The following LPP variants were observed in gnomAD, a reference collection of about 807,000 sequenced individuals.
LPP encodes LIM domain containing preferred translocation partner in lipoma, also known as lipoma-preferred partner.
Under a neutral mutation model 60.4 loss-of-function variants are expected in LPP, and 38 were observed. The ratio of observed to expected loss-of-function variants is 0.63; its 90% CI spans 0.49 to 0.83. The LOEUF is 0.83. LPP is among the 40% of genes least tolerant of loss of function. The pLI, the probability that LPP is intolerant of heterozygous loss-of-function variation, is 0.00. For missense variants in LPP, 902 were observed against 783.6 expected, an observed-to-expected ratio of 1.15 and a Z score of -1.80; for synonymous variants, 328 against 290.8, an observed-to-expected ratio of 1.13 and a Z score of -1.30.
intron 6 of LPP, 140 bp downstream of exon 6, chr3:188,524,927 CCTTCCTT>C: frequency 1.5e-6 from 1 of 654,576 alleles, no homozygotes; most frequent in South Asian, 2.5e-5. Flanking sequence ...TTCCTTCCTT[CCTTCCTT>C]CCTTCCTTCC....
At chr3:188,279,357 C>G (rs1741127110) in intron 2 of LPP, among the ~76,000 whole-genome samples, 1 of 152,168 alleles carries the variant, frequency 6.6e-6, no homozygotes, top group Non-Finnish European at 1.5e-5. Flanking sequence ...CCTTTAGACC[C>G]CCCATTGTAT....
intron 8 of LPP, among the ~76,000 whole-genome samples, chr3:188,742,764 A>T (rs1189627360): frequency 6.6e-6 from 1 of 152,162 alleles, no homozygotes; most frequent in African/African-American, 2.4e-5. Context: ...TTATAAATGT[A>T]TTGAAATTCA....
At chr3:188,317,483 C>T (rs1755429240) in intron 2 of LPP, among the ~76,000 whole-genome samples, 1 of 152,158 alleles carries the variant, frequency 6.6e-6, no homozygotes, top group African/African-American at 2.4e-5. Context: ...GTGTCTCCTT[C>T]TGTTAAATGG....
chr3:188,875,022 G>A lies in LPP; in HGVS notation c.*543G>A. ...GAAATGCACAATTTTTTTTTGTTAG[G>A]CTGTAAAGAATTTAAGCTGTAAATT... On this transcript the variant is annotated 3_prime_UTR_variant, in exon 12 of 12. Transcript: ENST00000617246. 1 of 222,656 alleles carries A rather than the reference G, an allele frequency of 4.5e-6. No homozygotes were observed. The highest frequency in any genetic ancestry group is 9.0e-6 in the Non-Finnish European group (1 of 111,492). The allele number at this position is 222,656 out of a possible 1,614,324, so 13.8% of individuals were successfully genotyped here. A position where few individuals can be genotyped will look rare whatever the true frequency, so the allele number is the denominator to read the frequency against.
intron 2 of LPP, among the ~76,000 whole-genome samples, chr3:188,327,855 A>G (rs1758872133): frequency 6.6e-6 from 1 of 152,184 alleles, no homozygotes; most frequent in South Asian, 2.1e-4. Context: ...GTTCTTAAAA[A>G]TGAGCTTTTG....
intron 10 of LPP, among the ~76,000 whole-genome samples, chr3:188,870,955 A>G (rs942565404): frequency 1.3e-5 from 2 of 152,132 alleles, no homozygotes; most frequent in Non-Finnish European, 2.9e-5. Flanking sequence ...TGGCAGATTC[A>G]TTTCATTAGA....
intron 3 of LPP, among the ~76,000 whole-genome samples, chr3:188,403,637 G>C (rs2148835015): frequency 6.6e-6 from 1 of 152,064 alleles, no homozygotes; most frequent in South Asian, 2.1e-4. Context: ...AACCAAAATT[G>C]GCATTTCTCA....
chr3:188,865,383 ACT>A (rs1427553532), intron 9 of LPP, among the ~76,000 whole-genome samples: 8 of 152,230 alleles, frequency 5.3e-5, no homozygotes, highest in Non-Finnish European at 1.2e-4. Flanking sequence ...GAGTTTGCAA[ACT>A]CTAAACTTGG....
intron 5 of LPP, among the ~76,000 whole-genome samples, chr3:188,520,505 G>A (rs575577954): frequency 2.0e-5 from 3 of 152,158 alleles, no homozygotes; most frequent in African/African-American, 4.8e-5. Context: ...TCTCCCACAC[G>A]GTCCTGCCCA....
At chr3:188,852,248 T>C (rs181438800) in intron 9 of LPP, among the ~76,000 whole-genome samples, 1 of 152,258 alleles carries the variant, frequency 6.6e-6, no homozygotes, top group Admixed American at 6.5e-5. Flanking sequence ...GTTTCTGGTG[T>C]GAGGTCTCTC....
rs1578450277 is a variant in LPP at position 188,377,844 on chromosome 3, C to G, written c.-9-28268C>G. Among the ~76,000 whole-genome samples the G allele has an allele frequency of 2.0e-5, 3 of 151,872 alleles. No individual in the cohort carries two copies. In the South Asian group the frequency reaches 6.2e-4, roughly 32 times the overall value. The stretch of plus-strand genomic sequence containing the variant: ...TTTCCCATCTTTGTGGTTTTATGTA[C>G]CTTTGGTCTTTGATGATGGTGACAT... On this transcript the variant is annotated intron_variant, in intron 3 of 11. Transcript: ENST00000617246.
rs868088395 is a variant in LPP, at chr3:188,203,404, T to A, written c.-189-22001T>A. On this transcript the variant is annotated intron_variant, in intron 1 of 11. Transcript: ENST00000617246. ...AATATTTATATATTAATATATATTT[T>A]TATAAATATATATATAATATAAATA... 4.8e-3 allele frequency among the ~76,000 whole-genome samples: 281 copies of A among 59,092 alleles called. 3 individuals carry two copies. Among genetic ancestry groups the A allele is most frequent in the Middle Eastern group, 0.019 (1 of 52 alleles). 38.8% of individuals were successfully genotyped at this position (59,092 alleles called of 152,430 possible). A position where few individuals can be genotyped will look rare whatever the true frequency, so the allele number is the denominator to read the frequency against.
intron 5 of LPP, among the ~76,000 whole-genome samples, chr3:188,490,464 G>A (rs746250411): frequency 3.3e-5 from 5 of 150,768 alleles, no homozygotes; most frequent in Admixed American, 1.3e-4. Flanking sequence ...GGGTTCAAGC[G>A]ATTCTCCTGT....
intron 7 of LPP, among the ~76,000 whole-genome samples, chr3:188,632,033 C>T (rs747388697): frequency 2.0e-5 from 3 of 152,048 alleles, no homozygotes; most frequent in Non-Finnish European, 4.4e-5. Flanking sequence ...ACATGAGGGC[C>T]CCTGAAGCTT....
At chr3:188,528,842 T>C (rs562084448) in intron 6 of LPP, among the ~76,000 whole-genome samples, 17 of 152,276 alleles carry the variant, frequency 1.1e-4, no homozygotes, top group African/African-American at 3.6e-4. Context: ...TTGTAATGAT[T>C]TTACCATCGA....
At position 188,879,375 on chromosome 3, in the gene LPP, T is replaced by C. The variant is rs889922601; in HGVS notation, c.*4896T>C. 4.6e-6 allele frequency: 1 copy of C among 218,228 alleles called. No homozygotes were observed. The allele number at this position is 218,228 out of a possible 1,614,324, so 13.5% of individuals were successfully genotyped here. A position where few individuals can be genotyped will look rare whatever the true frequency, so the allele number is the denominator to read the frequency against. On this transcript the variant is annotated 3_prime_UTR_variant, in exon 12 of 12. Coordinates refer to ENST00000617246, the MANE Select transcript of LPP (RefSeq NM_001375462.1). ...AAATTAAATCAATGCATTATGATTT[T>C]AGGGAATTATGATTATATTCATAAG...
chr3:188,649,341 G>A (rs1019896704), intron 7 of LPP, among the ~76,000 whole-genome samples: 4 of 152,214 alleles, frequency 2.6e-5, no homozygotes, highest in Non-Finnish European at 5.9e-5. Context: ...CTTGGACAAA[G>A]GGGTTAGGAT....
At chr3:188,423,860 G>C (rs1788549103) in intron 4 of LPP, among the ~76,000 whole-genome samples, 1 of 150,996 alleles carries the variant, frequency 6.6e-6, no homozygotes, top group South Asian at 2.1e-4. Context: ...TTAGCCCTTT[G>C]TCAGATGGAT....
At chr3:188,503,490 T>A (rs576861802) in intron 5 of LPP, among the ~76,000 whole-genome samples, 1 of 152,180 alleles carries the variant, frequency 6.6e-6, no homozygotes, top group Non-Finnish European at 1.5e-5. Flanking sequence ...TTAGCTCTTA[T>A]AAGCGTCTGC....
Sources: allele counts gnomAD v4.1 joint callset (sites outside exome capture counted in the v4.1 genomes callset), GRCh38; gene constraint gnomAD v4.1.1; transcripts MANE v1.5; gene names NCBI Gene and HGNC (gene_info 2026-07-23, HGNC 2026-07-21).